The following CDHR3 variants were observed in gnomAD, a reference collection of about 807,000 sequenced individuals.
CDHR3 encodes cadherin-related family member 3.
In CDHR3, 79 loss-of-function variants were observed where a neutral mutation model predicts 86.6. That is an observed-to-expected ratio of 0.91 (90% CI 0.76 to 1.10). CDHR3 has a LOEUF of 1.10. Ranked by LOEUF, CDHR3 falls within the 50% of genes least tolerant of loss-of-function variation. The probability of loss-of-function intolerance (pLI) is 0.00; values close to 1 mark genes in which losing one functional copy is unlikely to be tolerated. For missense variants in CDHR3, 1,081 were observed against 1,077.6 expected, an observed-to-expected ratio of 1.00 and a Z score of -0.04; for synonymous variants, 421 against 402.4, an observed-to-expected ratio of 1.05 and a Z score of -0.55.
intron 9 of CDHR3, 115 bp downstream of exon 9, chr7:106,013,146 T>C: frequency 1.1e-6 from 1 of 890,104 alleles, no homozygotes; most frequent in Non-Finnish European, 1.7e-6. Context: ...TCAGAGCGAC[T>C]GTAACTGACA....
At position 106,019,516 on chromosome 7, in the gene CDHR3, T is replaced by G. The variant is rs1013531826; in HGVS notation, c.1654-857T>G. On this transcript the variant is annotated intron_variant, in intron 12 of 18. Transcript: ENST00000317716. ...ATTTCAAAGGTAGTATGAATATGACTCAAAATTCATAAGCTTTTTAAAAGG... is the reference window on the plus strand; with the variant it reads ...ATTTCAAAGGTAGTATGAATATGACGCAAAATTCATAAGCTTTTTAAAAGG... 2.0e-5 allele frequency among the ~76,000 whole-genome samples: 3 copies of G among 152,152 alleles called. No homozygotes were observed. In the East Asian group the frequency reaches 5.8e-4, roughly 29 times the overall value.
chr7:106,031,090 C>T (rs1324354755), intron 18 of CDHR3, among the ~76,000 whole-genome samples: 2 of 152,194 alleles, frequency 1.3e-5, no homozygotes, highest in African/African-American at 2.4e-5. Flanking sequence ...TAAAGGCTCA[C>T]GTTCAAGGGC....
chr7:105,972,763 C>T (rs188762885), intron 1 of CDHR3, among the ~76,000 whole-genome samples: 137 of 152,220 alleles, frequency 9.0e-4, no homozygotes, highest in Middle Eastern at 3.4e-3. Context: ...TATTCATATT[C>T]GCATCACCCT....
intron 16 of CDHR3, among the ~76,000 whole-genome samples, chr7:106,028,116 TTAAAATAAAA>T (rs59804877): frequency 0.081 from 9,718 of 120,064 alleles, 913 homozygotes; most frequent in East Asian, 0.25. Context: ...AGACCCTGTC[TTAAAATAAAA>T]TAAAATAAAA....
chr7:105,982,982 CAAAAA>C (rs57923583), intron 3 of CDHR3, among the ~76,000 whole-genome samples: 7 of 130,628 alleles, frequency 5.4e-5, no homozygotes, highest in Admixed American at 7.7e-5. Flanking sequence ...GACCCTATCT[CAAAAA>C]AAAAAAAAAA....
intron 7 of CDHR3, among the ~76,000 whole-genome samples, chr7:106,004,165 G>A (rs1833618137): frequency 6.6e-6 from 1 of 152,200 alleles, no homozygotes; most frequent in Non-Finnish European, 1.5e-5. Flanking sequence ...ATCCTCCAAT[G>A]TGTGCCTTTC....
At position 105,995,551 on chromosome 7, in the gene CDHR3, G is replaced by C. The variant is rs1049527409; in HGVS notation, c.609-699G>C. The stretch of plus-strand genomic sequence containing the variant: ...AGACAGGGTCTGTCAAGATGGCCTT[G>C]TCGAGCCGGTGAAGTCCTGCTCGTT... On this transcript the variant is annotated intron_variant, in intron 5 of 18. Coordinates refer to ENST00000317716, the MANE Select transcript of CDHR3 (RefSeq NM_152750.5). Among the ~76,000 whole-genome samples the C allele has an allele frequency of 1.3e-4, 20 of 152,162 alleles. 1 individual carries two copies. The highest frequency in any genetic ancestry group is 2.1e-4 in the South Asian group (1 of 4,824).
chr7:105,994,630 C>A, intron 4 of CDHR3, 121 bp from the exon 5 acceptor site: 1 of 719,060 alleles, frequency 1.4e-6, no homozygotes, highest in Non-Finnish European at 2.5e-6. Context: ...TGAACCGCAT[C>A]CTGATGCATC....
chr7:105,981,515 C>A (rs982776699), intron 3 of CDHR3, among the ~76,000 whole-genome samples: 1 of 152,132 alleles, frequency 6.6e-6, no homozygotes, highest in Non-Finnish European at 1.5e-5. Context: ...TTGAGGGCAG[C>A]GTGTTTCTGC....
chr7:106,001,921 C>T (rs1394598582), intron 7 of CDHR3, among the ~76,000 whole-genome samples: 1 of 152,126 alleles, frequency 6.6e-6, no homozygotes, highest in Non-Finnish European at 1.5e-5. Context: ...CAAATGCAGC[C>T]AGCCATTTAT....
intron 15 of CDHR3, among the ~76,000 whole-genome samples, chr7:106,025,632 CAT>C (rs1837237491): frequency 6.6e-6 from 1 of 152,146 alleles, no homozygotes; most frequent in Non-Finnish European, 1.5e-5. Context: ...GGTGATAAGA[CAT>C]GTGTGCCTTT....
chr7:106,028,559 A>C lies in CDHR3; in HGVS notation c.2281A>C (p.Thr761Pro). Residue 761 changes from threonine (T) to proline (P), a missense_variant, in exon 17 of 19, where the codon ACT (threonine) becomes CCT (proline). Physicochemically the swap from Thr to Pro is conservative, Grantham distance 38. Coordinates refer to ENST00000317716, the MANE Select transcript of CDHR3 (RefSeq NM_152750.5). The part of the protein sequence containing the change: ...EPLTKKGETK[T>P]AERDVVVETI... ...TGTTCTGTTCTCTGCAGAAACGAAG[A>C]CTGCAGAGAGAGACGTCGTGGTGGT... is the stretch of plus-strand genomic sequence containing the variant. 1 of 1,613,984 alleles carries C rather than the reference A, an allele frequency of 6.2e-7. No individual in the cohort carries two copies. Among genetic ancestry groups the C allele is most frequent in the Non-Finnish European group, 8.5e-7 (1 of 1,179,852 alleles).
intron 16 of CDHR3, among the ~76,000 whole-genome samples, chr7:106,027,038 C>G (rs1837459280): frequency 6.6e-6 from 1 of 152,216 alleles, no homozygotes; most frequent in Non-Finnish European, 1.5e-5. Flanking sequence ...GACCTGCTTA[C>G]TGCAGCCCAT....
At chr7:106,017,349 G>C (rs1215082363) in intron 11 of CDHR3, among the ~76,000 whole-genome samples, 1 of 152,104 alleles carries the variant, frequency 6.6e-6, no homozygotes, top group Non-Finnish European at 1.5e-5. Context: ...TTGAGGTCAG[G>C]AGATCGAAAC....
intron 13 of CDHR3, 106 bp from the exon 14 acceptor site, chr7:106,022,091 AG>A: frequency 7.4e-7 from 1 of 1,350,050 alleles, no homozygotes; most frequent in Non-Finnish European, 1.0e-6. Flanking sequence ...TCTACACTTG[AG>A]GTGTGGACAT....
chr7:106,035,900 G>C lies in CDHR3; in HGVS notation c.*3203G>C, dbSNP rs1563324218. 1 of 152,156 alleles carries C rather than the reference G, an allele frequency of 6.6e-6. No homozygotes were observed. 9.4% of individuals were successfully genotyped at this position (152,156 alleles called of 1,614,324 possible). A position where few individuals can be genotyped will look rare whatever the true frequency, so the allele number is the denominator to read the frequency against. Reference sequence around the variant, plus strand: ...ATTTCCCAGCGTTGACCAGGTTTTGGGGGGAACAAAATTATCTGAATAAAA... The same window carrying C: ...ATTTCCCAGCGTTGACCAGGTTTTGCGGGGAACAAAATTATCTGAATAAAA... On this transcript the variant is annotated 3_prime_UTR_variant, in exon 19 of 19. Transcript: ENST00000317716.
chr7:105,992,454 G>C (rs1332098083), intron 4 of CDHR3, among the ~76,000 whole-genome samples: 3 of 152,238 alleles, frequency 2.0e-5, no homozygotes, highest in Admixed American at 6.5e-5. Flanking sequence ...CCGTGAGCTG[G>C]AGTGTTAATG....
In CDHR3 at chr7:105,980,987, A is replaced by C; in HGVS notation, c.269A>C (p.Glu90Ala). 1 of 1,608,770 alleles carries C rather than the reference A, an allele frequency of 6.2e-7. No homozygotes were observed. Among genetic ancestry groups the C allele is most frequent in the Non-Finnish European group, 8.5e-7 (1 of 1,177,442 alleles). Residue 90 changes from glutamate (E) to alanine (A), a missense_variant, in exon 3 of 19, where the codon GAA (glutamate) becomes GCA (alanine). Transcript: ENST00000317716. ...TTTTAGGTTGTCACCACTGGGATGG[A>C]ACAACTAGATTTTGAAACAGGACCA... Reference protein sequence around the residue: ...TYFEVVTTGMEQLDFETGPNI... With the variant: ...TYFEVVTTGMAQLDFETGPNI...
At chr7:105,970,263 T>A (rs1353575861) in intron 1 of CDHR3, among the ~76,000 whole-genome samples, 4 of 152,136 alleles carry the variant, frequency 2.6e-5, no homozygotes, top group Non-Finnish European at 5.9e-5. Context: ...TCTCTGAGAC[T>A]GTGGAAGGCT....
Sources: gnomAD v4.1 joint callset for allele counts (sites outside exome capture counted in the v4.1 genomes callset) on GRCh38, gnomAD v4.1.1 for gene constraint, MANE v1.5 for transcripts, NCBI Gene and HGNC (gene_info 2026-07-23, HGNC 2026-07-21) for gene names.